ICA1L: variants seen among roughly 807,000 people sequenced by gnomAD.
ICA1L encodes the protein islet cell autoantigen 1-like protein.
ICA1L carries 50 observed loss-of-function variants against 61.3 expected under a neutral mutation model. That is an observed-to-expected ratio of 0.82 (90% CI 0.65 to 1.03). ICA1L has a LOEUF of 1.03. ICA1L is among the 50% of genes least tolerant of loss of function. The probability of loss-of-function intolerance (pLI) is 0.00; values close to 1 mark genes in which losing one functional copy is unlikely to be tolerated. For synonymous variants in ICA1L, 161 were observed against 191.3 expected (o/e 0.84, Z 1.31); for missense variants, 508 against 556.7 (o/e 0.91, Z 0.88).
chr2:202,774,659 T>G lies in ICA1L; in HGVS notation c.*4874A>C. The G allele has an allele frequency of 4.6e-6, 1 of 215,220 alleles. No individual in the cohort carries two copies. The highest frequency in any genetic ancestry group is 9.1e-6 in the Non-Finnish European group (1 of 110,088). The allele number at this position is 215,220 out of a possible 1,614,324, so 13.3% of individuals were successfully genotyped here. ...GTGGGGAGCGGAGAGGCCTAAGACATGGGCAGGAGCCTTTGGGTCAGGGAG... is the reference window on the plus strand; with the variant it reads ...GTGGGGAGCGGAGAGGCCTAAGACAGGGGCAGGAGCCTTTGGGTCAGGGAG... On this transcript the variant is annotated 3_prime_UTR_variant, in exon 13 of 13. Transcript: ENST00000358299.
rs2105879062 is a variant in ICA1L, at chr2:202,849,164, G to C, written c.-7-20148C>G. On this transcript the variant is annotated intron_variant, in intron 1 of 12. Transcript: ENST00000358299. The surrounding 1 kb of genome is among the most constrained non-coding windows in gnomAD (Gnocchi z 4.5). ...ATTCCCACATGTGCCTATACCACCA[G>C]GGCCCTGGGTTTCAAGCACAAAACC... 6.6e-6 allele frequency among the ~76,000 whole-genome samples: 1 copy of C among 152,306 alleles called. No individual in the cohort carries two copies. Among genetic ancestry groups the C allele is most frequent in the East Asian group, 1.9e-4 (1 of 5,186 alleles).
chr2:202,825,454 A>T, intron 3 of ICA1L: 1 of 1,065,152 alleles, frequency 9.4e-7, no homozygotes. Context: ...TGAGTGACAG[A>T]GAAAGACCCT....
chr2:202,802,728 TAGTA>T (rs1475404694), intron 9 of ICA1L, among the ~76,000 whole-genome samples: 2 of 151,560 alleles, frequency 1.3e-5, no homozygotes, highest in African/African-American at 2.4e-5. Flanking sequence ...TAGAAAGAAA[TAGTA>T]AGACAGGAAA....
chr2:202,779,628 C>G lies in ICA1L; in HGVS notation c.1354G>C (p.Asp452His). ...LTRSPNNGNQ[D>H]MSAWFNLFAD... ...AACAGATTGAACCAGGCTGACATGT[C>G]TTGGTTGCCATTGTTGGGGGCTATT... The change falls in exon 13 of 13, where the codon GAC (aspartate) becomes CAC (histidine). Residue 452 changes from aspartate (D) to histidine (H), a missense_variant. Coordinates refer to ENST00000358299, the MANE Select transcript of ICA1L (RefSeq NM_001288622.3). The G allele has an allele frequency of 2.5e-6, 4 of 1,610,032 alleles. No homozygotes were observed. Among genetic ancestry groups the G allele is most frequent in the African/African-American group, 1.3e-5 (1 of 74,800 alleles).
chr2:202,839,769 T>C (rs1694270149), intron 1 of ICA1L, among the ~76,000 whole-genome samples: 1 of 152,152 alleles, frequency 6.6e-6, no homozygotes, highest in Non-Finnish European at 1.5e-5. Flanking sequence ...TTTTGTTCTT[T>C]TTTCCTTTCA....
intron 1 of ICA1L, among the ~76,000 whole-genome samples, chr2:202,869,303 A>AGCC (rs1687623261): frequency 6.6e-6 from 1 of 152,182 alleles, no homozygotes; most frequent in African/African-American, 2.4e-5. Flanking sequence ...GCTTGCAGTG[A>AGCC]GCCGAGATCC....
chr2:202,836,663 A>G (rs1363608888), intron 1 of ICA1L, among the ~76,000 whole-genome samples: 1 of 151,884 alleles, frequency 6.6e-6, no homozygotes, highest in African/African-American at 2.4e-5. Flanking sequence ...CTTATTACTG[A>G]TTCAATCTCC....
At chr2:202,865,016 A>T (rs1341754175) in intron 1 of ICA1L, among the ~76,000 whole-genome samples, 2 of 151,914 alleles carry the variant, frequency 1.3e-5, no homozygotes, top group Non-Finnish European at 2.9e-5. Flanking sequence ...TACAAAAATC[A>T]GCTGGGTATG....
At chr2:202,838,359 G>A (rs1694211814) in intron 1 of ICA1L, among the ~76,000 whole-genome samples, 1 of 152,052 alleles carries the variant, frequency 6.6e-6, no homozygotes, top group Admixed American at 6.6e-5. Flanking sequence ...ATCTATTCTG[G>A]AGAATGTTCC....
intron 3 of ICA1L, among the ~76,000 whole-genome samples, chr2:202,823,524 A>G (rs1693754412): frequency 6.6e-6 from 1 of 152,088 alleles, no homozygotes; most frequent in Non-Finnish European, 1.5e-5. Flanking sequence ...AGTGATTGTG[A>G]TATATTTTAC....
intron 10 of ICA1L, among the ~76,000 whole-genome samples, chr2:202,796,541 T>C (rs1692931223): frequency 6.6e-6 from 1 of 152,244 alleles, no homozygotes; most frequent in South Asian, 2.1e-4. Flanking sequence ...TAATGTTGAA[T>C]GACATTTACT....
At chr2:202,794,891 A>G (rs1692876192) in intron 10 of ICA1L, among the ~76,000 whole-genome samples, 1 of 152,096 alleles carries the variant, frequency 6.6e-6, no homozygotes, top group African/African-American at 2.4e-5. Context: ...AACATGATCA[A>G]CCTGTCAGTT....
intron 10 of ICA1L, 105 bp from the exon 11 acceptor site, chr2:202,789,192 C>T (rs1202006129): frequency 1.1e-6 from 1 of 947,396 alleles, no homozygotes; most frequent in Non-Finnish European, 1.6e-6. Context: ...ACTGTATTAA[C>T]ATAATTTTAA....
chr2:202,839,368 A>G (rs1295774825), intron 1 of ICA1L, among the ~76,000 whole-genome samples: 8 of 151,904 alleles, frequency 5.3e-5, no homozygotes, highest in Admixed American at 5.2e-4. Flanking sequence ...GTGTGGTGGC[A>G]GGCACCTGTA....
chr2:202,794,088 T>A (rs1476644435), intron 10 of ICA1L, among the ~76,000 whole-genome samples: 2 of 151,944 alleles, frequency 1.3e-5, no homozygotes, highest in African/African-American at 4.8e-5. Context: ...CATGATATAG[T>A]ATCAGGAAAC....
intron 1 of ICA1L, among the ~76,000 whole-genome samples, chr2:202,839,555 A>AGTGTGTGT (rs1694257699): frequency 1.4e-5 from 1 of 73,786 alleles, no homozygotes; most frequent in African/African-American, 7.6e-5. Context: ...CATACAGTTA[A>AGTGTGTGT]GTCTGTGTGT....
chr2:202,802,312 A>T (rs1364324360), intron 9 of ICA1L, among the ~76,000 whole-genome samples: 8 of 152,136 alleles, frequency 5.3e-5, no homozygotes, highest in Non-Finnish European at 1.0e-4. Flanking sequence ...AAGTTAAAAT[A>T]TATGAGGAAT....
chr2:202,816,094 A>G (rs1206609250), intron 6 of ICA1L, 85 bp from the exon 7 acceptor site: 19 of 793,164 alleles, frequency 2.4e-5, no homozygotes, highest in Non-Finnish European at 3.6e-5. Context: ...AGTTTAGTAG[A>G]TGAACAGTTG....
At chr2:202,817,067 T>G (rs1179005702) in intron 6 of ICA1L, among the ~76,000 whole-genome samples, 4 of 152,200 alleles carry the variant, frequency 2.6e-5, no homozygotes, top group Non-Finnish European at 5.9e-5. Flanking sequence ...GCACAGAATC[T>G]TTGCTTCAGA....
Sources: gnomAD v4.1 joint callset for allele counts (sites outside exome capture counted in the v4.1 genomes callset) on GRCh38, gnomAD v4.1.1 for gene constraint, Gnocchi (gnomAD v3.1) non-coding constraint, MANE v1.5 for transcripts, NCBI Gene and HGNC (gene_info 2026-07-23, HGNC 2026-07-21) for gene names.